The following ZNF740 variants were observed in gnomAD, a reference collection of about 807,000 sequenced individuals.
ZNF740 encodes the protein zinc finger protein 740.
In ZNF740, 14 loss-of-function variants were observed where a neutral mutation model predicts 24.8. The ratio of observed to expected loss-of-function variants is 0.56; its 90% CI spans 0.37 to 0.88. The LOEUF is 0.88. Ranked by LOEUF, ZNF740 falls within the 40% of genes least tolerant of loss-of-function variation. The pLI is 0.00. For synonymous variants in ZNF740, 69 were observed against 84.0 expected (o/e 0.82, Z 0.98); for missense variants, 201 against 247.9 (o/e 0.81, Z 1.27).
Position 53,191,351 on chromosome 12 carries a change from G to A in ZNF740, c.*3761G>A, listed in dbSNP as rs930249294. On this transcript the variant is annotated 3_prime_UTR_variant, in exon 7 of 7. Transcript: ENST00000416904. ...GAGGTAAGACTTTATTGTATACTTG[G>A]GTGGGGTAGCCCAGATGGATGCAAG... 1 of 590,154 alleles carries A rather than the reference G, an allele frequency of 1.7e-6. No individual in the cohort carries two copies. The highest frequency in any genetic ancestry group is 1.9e-5 in the African/African-American group (1 of 53,700). The allele number at this position is 590,154 out of a possible 1,614,324, so 36.6% of individuals were successfully genotyped here. A position where few individuals can be genotyped will look rare whatever the true frequency, so the allele number is the denominator to read the frequency against.
rs1310322301 is a variant in ZNF740 at position 53,194,614 on chromosome 12, A to T, written c.*7024A>T. 2.5e-6 allele frequency: 1 copy of T among 395,300 alleles called. No individual in the cohort carries two copies. Among genetic ancestry groups the T allele is most frequent in the Non-Finnish European group, 4.7e-6 (1 of 210,908 alleles). 24.5% of individuals were successfully genotyped at this position (395,300 alleles called of 1,614,324 possible). ...GGTCACAGGCTGGCCAGGTGCTGTA[A>T]ATGTACAGAGACCATGTTTGTGAAG... On this transcript the variant is annotated 3_prime_UTR_variant, in exon 7 of 7. Transcript: ENST00000416904.
At chr12:53,185,160 A>G (rs1261729128) in intron 3 of ZNF740, 120 bp downstream of exon 3, 9 of 1,467,856 alleles carry the variant, frequency 6.1e-6, no homozygotes, top group African/African-American at 4.2e-5. Flanking sequence ...AGGGGATCCA[A>G]CTGGGGAATG....
rs192435749 is a variant in ZNF740, at chr12:53,194,804, C to A, written c.*7214C>A. ...TACAGCCTAGTTGCAGAGGTAAGACCTAAACCACTAAGAATTTTTATGGTT... is the reference window on the plus strand; with the variant it reads ...TACAGCCTAGTTGCAGAGGTAAGACATAAACCACTAAGAATTTTTATGGTT... On this transcript the variant is annotated 3_prime_UTR_variant, in exon 7 of 7. Coordinates refer to ENST00000416904, the MANE Select transcript of ZNF740 (RefSeq NM_001004304.4). The A allele has an allele frequency of 5.7e-3, 973 of 171,464 alleles. 16 individuals are homozygous for A. The highest frequency in any genetic ancestry group is 4.4e-3 in the Non-Finnish European group (344 of 78,308). 10.6% of individuals were successfully genotyped at this position (171,464 alleles called of 1,614,324 possible).
Position 53,193,061 on chromosome 12 carries a change from C to T in ZNF740, c.*5471C>T. ...CCGGAATCTTTTGATATTTGCCTTCCATGCCAGGAGATTCCCAGAGCCTAA... is the reference window on the plus strand; with the variant it reads ...CCGGAATCTTTTGATATTTGCCTTCTATGCCAGGAGATTCCCAGAGCCTAA... On this transcript the variant is annotated 3_prime_UTR_variant, in exon 7 of 7. Coordinates refer to ENST00000416904, the MANE Select transcript of ZNF740 (RefSeq NM_001004304.4). 1 of 1,429,126 alleles carries T rather than the reference C, an allele frequency of 7.0e-7. No homozygotes were observed. The allele number at this position is 1,429,126 out of a possible 1,614,324, so 88.5% of individuals were successfully genotyped here.
chr12:53,181,753 A>G lies in ZNF740; in HGVS notation c.-231A>G, dbSNP rs563944988. The G allele has an allele frequency of 3.5e-6, 2 of 574,518 alleles. No individual in the cohort carries two copies. Among genetic ancestry groups the G allele is most frequent in the South Asian group, 2.5e-5 (1 of 40,112 alleles). 35.6% of individuals were successfully genotyped at this position (574,518 alleles called of 1,614,324 possible). A position where few individuals can be genotyped will look rare whatever the true frequency, so the allele number is the denominator to read the frequency against. ...AGACTGGTAGACTCTCTTTTTCTTCAGACAATAGGCAGGAGCCAGGCAGAG... is the reference window on the plus strand; with the variant it reads ...AGACTGGTAGACTCTCTTTTTCTTCGGACAATAGGCAGGAGCCAGGCAGAG... On this transcript the variant is annotated 5_prime_UTR_variant, in exon 2 of 7. Coordinates refer to ENST00000416904, the MANE Select transcript of ZNF740 (RefSeq NM_001004304.4).
chr12:53,190,284 G>C lies in ZNF740; in HGVS notation c.*2694G>C, dbSNP rs575025614. 3 of 152,808 alleles carry C rather than the reference G, an allele frequency of 2.0e-5. No individual in the cohort carries two copies. The East Asian group carries it at 5.8e-4, about 29-fold the overall frequency. The allele number at this position is 152,808 out of a possible 1,614,324, so 9.5% of individuals were successfully genotyped here. A position where few individuals can be genotyped will look rare whatever the true frequency, so the allele number is the denominator to read the frequency against. ...CGCTGCAGAGGCTCCTGGGCCCAAT[G>C]CCCGACCCCTGCTGGCCAGCATGGG... On this transcript the variant is annotated 3_prime_UTR_variant, in exon 7 of 7. Coordinates refer to ENST00000416904, the MANE Select transcript of ZNF740 (RefSeq NM_001004304.4).
chr12:53,193,731 T>G lies in ZNF740; in HGVS notation c.*6141T>G. 5 of 1,613,358 alleles carry G rather than the reference T, an allele frequency of 3.1e-6. No individual in the cohort carries two copies. Among genetic ancestry groups the G allele is most frequent in the Non-Finnish European group, 4.2e-6 (5 of 1,179,626 alleles). On this transcript the variant is annotated 3_prime_UTR_variant, in exon 7 of 7. Transcript: ENST00000416904. ...ACCTGCATACACCACATTGTAGGTG[T>G]CCCTGGCCATCACTGCAGTGGGGAG...
Position 53,192,600 on chromosome 12 carries a change from A to G in ZNF740, c.*5010A>G. The G allele has an allele frequency of 1.3e-6, 2 of 1,598,646 alleles. No individual in the cohort carries two copies. Among genetic ancestry groups the G allele is most frequent in the African/African-American group, 1.3e-5 (1 of 74,728 alleles). ...GTTGTCACCCAATGCCCCTTGCCCA[A>G]CTACAAGCAGGACGGAGAGTAGGCA... On this transcript the variant is annotated 3_prime_UTR_variant, in exon 7 of 7. Transcript: ENST00000416904.
At chr12:53,180,916 G>A in intron 1 of ZNF740, 79 bp downstream of exon 1, 1 of 1,089,538 alleles carries the variant, frequency 9.2e-7, no homozygotes. Flanking sequence ...GTGGGGTGCC[G>A]CGCGGGAAGG....
chr12:53,181,092 G>T, intron 1 of ZNF740: 13 of 908,310 alleles, frequency 1.4e-5, no homozygotes, highest in Non-Finnish European at 1.7e-5. Flanking sequence ...CATCTCGCGC[G>T]CTTCTCGGCA....
intron 2 of ZNF740, among the ~76,000 whole-genome samples, chr12:53,184,150 T>TGTGTGTGCGCGCGCGC (rs59250662): frequency 1.9e-4 from 20 of 104,342 alleles, no homozygotes; most frequent in African/African-American, 7.1e-4. Flanking sequence ...TGTGTGTGTG[T>TGTGTGTGCGCGCGCGC]GCGCGCGCGC....
At chr12:53,182,750 A>T (rs1565689238) in intron 2 of ZNF740, among the ~76,000 whole-genome samples, 1 of 152,120 alleles carries the variant, frequency 6.6e-6, no homozygotes, top group Non-Finnish European at 1.5e-5. Context: ...AAATGGGGAT[A>T]GTTATGGAGG....
rs758434007 is a variant in ZNF740, at chr12:53,192,057, A to C, written c.*4467A>C. 1 of 1,601,498 alleles carries C rather than the reference A, an allele frequency of 6.2e-7. No homozygotes were observed. Among genetic ancestry groups the C allele is most frequent in the Middle Eastern group, 1.7e-4 (1 of 5,868 alleles). On this transcript the variant is annotated 3_prime_UTR_variant, in exon 7 of 7. Transcript: ENST00000416904. ...AACCAGACACACTTGTGGGAGCTGG[A>C]GCATAGGGACAGATCATCAGTTGCT...
At chr12:53,180,873 T>A in intron 1 of ZNF740, 36 bp downstream of exon 1, 1 of 1,214,376 alleles carries the variant, frequency 8.2e-7, no homozygotes, top group Non-Finnish European at 1.0e-6. Context: ...GCGTCGTCCG[T>A]ACAGACGGCA....
chr12:53,186,499 G>A lies in ZNF740; in HGVS notation c.482G>A (p.Arg161Gln), dbSNP rs370571232. The A allele has an allele frequency of 3.2e-6, 5 of 1,566,286 alleles. No individual in the cohort carries two copies. Among genetic ancestry groups the A allele is most frequent in the South Asian group, 2.4e-5 (2 of 84,952 alleles). Residue 161 changes from arginine (R) to glutamine (Q), a missense_variant, in exon 6 of 7, where the codon CGG becomes CAG. By Grantham distance (43) the Arg-to-Gln change is conservative. Coordinates refer to ENST00000416904, the MANE Select transcript of ZNF740 (RefSeq NM_001004304.4). ...HSGEKPYQCERCHQCFSRTDR... is the reference protein window; with the variant it reads ...HSGEKPYQCEQCHQCFSRTDR... ...GGTGAAAAGCCTTACCAGTGTGAAC[G>A]GTGTCATCAGGTAAGGCTCATCCCT... is the stretch of plus-strand genomic sequence containing the variant.
chr12:53,193,542 G>C lies in ZNF740; in HGVS notation c.*5952G>C. ...AGAGAGTGGAGGGAGCCCCAGTCAG[G>C]GGGAGGGCCTGGACATACATGGGAA... On this transcript the variant is annotated 3_prime_UTR_variant, in exon 7 of 7. Transcript: ENST00000416904. 3 of 754,872 alleles carry C rather than the reference G, an allele frequency of 4.0e-6. No homozygotes were observed. The African/African-American group carries it at 5.3e-5, about 13-fold the overall frequency. The allele number at this position is 754,872 out of a possible 1,614,324, so 46.8% of individuals were successfully genotyped here. A position where few individuals can be genotyped will look rare whatever the true frequency, so the allele number is the denominator to read the frequency against.
chr12:53,184,849 G>C, intron 2 of ZNF740, 42 bp from the exon 3 acceptor site: 1 of 1,589,456 alleles, frequency 6.3e-7, no homozygotes, highest in Non-Finnish European at 8.6e-7. Context: ...TTTTTGCCCT[G>C]CCCTGCCAGG....
rs536613481 is a variant in ZNF740 at position 53,188,006 on chromosome 12, CTG to C, written c.*419_*420del. 9.9e-6 allele frequency: 2 copies of C among 201,536 alleles called. No homozygotes were observed. Among genetic ancestry groups the C allele is most frequent in the East Asian group, 1.2e-4 (1 of 8,300 alleles). 12.5% of individuals were successfully genotyped at this position (201,536 alleles called of 1,614,324 possible). On this transcript the variant is annotated 3_prime_UTR_variant, in exon 7 of 7. Transcript: ENST00000416904. ...TCCAAAAGCAACTTCAGCGGGTAAA[CTG>C]TGGATACAGGTAATCCAGAGGCATA...
In ZNF740 at chr12:53,187,915, A is replaced by C. The variant is rs146705853; in HGVS notation, c.*325A>C. On this transcript the variant is annotated 3_prime_UTR_variant, in exon 7 of 7. Coordinates refer to ENST00000416904, the MANE Select transcript of ZNF740 (RefSeq NM_001004304.4). Reference sequence around the variant, plus strand: ...TGTGGCTCCCACAACCTTGGACTCCAGCTGGCAGCTGAAATGGAAAAGATT... The same window carrying C: ...TGTGGCTCCCACAACCTTGGACTCCCGCTGGCAGCTGAAATGGAAAAGATT... 4 of 291,138 alleles carry C rather than the reference A, an allele frequency of 1.4e-5. No individual in the cohort carries two copies. In the East Asian group the frequency reaches 2.7e-4, roughly 20 times the overall value. The allele number at this position is 291,138 out of a possible 1,614,324, so 18.0% of individuals were successfully genotyped here.
Sources: gnomAD v4.1 joint callset for allele counts (sites outside exome capture counted in the v4.1 genomes callset) on GRCh38, gnomAD v4.1.1 for gene constraint, MANE v1.5 for transcripts, NCBI Gene and HGNC (gene_info 2026-07-23, HGNC 2026-07-21) for gene names.